NDUFS4: variants seen among roughly 807,000 people sequenced by gnomAD.
NDUFS4 encodes NADH dehydrogenase [ubiquinone] iron-sulfur protein 4, mitochondrial.
Under a neutral mutation model 24.3 loss-of-function variants are expected in NDUFS4, and 28 were observed. That is an observed-to-expected ratio of 1.15 (90% CI 0.85 to 1.58). The LOEUF (loss-of-function observed/expected upper bound fraction) is 1.58, where lower values mean the gene tolerates loss of function less well. NDUFS4 is among the 40% of genes most tolerant of loss of function. NDUFS4 has a pLI of 0.00. For missense variants in NDUFS4, 223 were observed against 207.9 expected (o/e 1.07, Z -0.45); for synonymous variants, 93 against 69.7 (o/e 1.34, Z -1.67).
chr5:53,681,133 T>C (rs1214482485), intron 4 of NDUFS4, among the ~76,000 whole-genome samples: 1 of 152,138 alleles, frequency 6.6e-6, no homozygotes, highest in Non-Finnish European at 1.5e-5. Flanking sequence ...GACCAAATAA[T>C]ACTTAACATT....
intron 2 of NDUFS4, among the ~76,000 whole-genome samples, chr5:53,628,626 A>G (rs1432489799): frequency 6.6e-6 from 1 of 152,120 alleles, no homozygotes; most frequent in Non-Finnish European, 1.5e-5. Context: ...GTGTTCAGGA[A>G]TTTATTCATT....
In NDUFS4 at chr5:53,643,937, G is replaced by A. The variant is rs73754278; in HGVS notation, c.178-2296G>A. ...GGTAAGATACCAATAAATAATTGCT[G>A]TAATTCGAGAAGACATGGAAGATTG... On this transcript the variant is annotated intron_variant, in intron 2 of 4. Coordinates refer to ENST00000296684, the MANE Select transcript of NDUFS4 (RefSeq NM_002495.4). 7.5e-3 allele frequency among the ~76,000 whole-genome samples: 1,134 copies of A among 152,198 alleles called. 15 individuals are homozygous for A. Among genetic ancestry groups the A allele is most frequent in the African/African-American group, 0.026 (1,081 of 41,530 alleles).
At chr5:53,625,968 T>C (rs1210056820) in intron 2 of NDUFS4, among the ~76,000 whole-genome samples, 5 of 152,192 alleles carry the variant, frequency 3.3e-5, no homozygotes, top group African/African-American at 1.2e-4. Flanking sequence ...ACATGTGCCA[T>C]GCTGGTTTGC....
intron 2 of NDUFS4, among the ~76,000 whole-genome samples, chr5:53,636,745 G>A (rs887507807): frequency 6.6e-6 from 1 of 152,126 alleles, no homozygotes; most frequent in African/African-American, 2.4e-5. Flanking sequence ...GGTCCTTCTC[G>A]AATAGGTTAG....
chr5:53,566,247 A>G (rs1042951613), intron 1 of NDUFS4, among the ~76,000 whole-genome samples: 6 of 152,252 alleles, frequency 3.9e-5, no homozygotes, highest in African/African-American at 1.4e-4. Flanking sequence ...GCTAGAAGAG[A>G]TCTGTTTGGG....
At position 53,647,154 on chromosome 5, in the gene NDUFS4, T is replaced by G. The variant is rs532866237; in HGVS notation, c.350+749T>G. ...AGAAATTAGCTAACTTGAGGGAAACTTATAAGTTCCTGAGATATTGTGATT... is the reference window on the plus strand; with the variant it reads ...AGAAATTAGCTAACTTGAGGGAAACGTATAAGTTCCTGAGATATTGTGATT... On this transcript the variant is annotated intron_variant, in intron 3 of 4. Coordinates refer to ENST00000296684, the MANE Select transcript of NDUFS4 (RefSeq NM_002495.4). 3.0e-4 allele frequency among the ~76,000 whole-genome samples: 45 copies of G among 151,546 alleles called. 1 individual carries two copies. The highest frequency in any genetic ancestry group is 2.7e-3 in the South Asian group (13 of 4,814).
intron 4 of NDUFS4, among the ~76,000 whole-genome samples, chr5:53,662,930 A>G (rs56848052): frequency 4.6e-5 from 7 of 151,700 alleles, no homozygotes; most frequent in Non-Finnish European, 1.0e-4. Context: ...TCAATTTTAG[A>G]TCTTTCCTGC....
At chr5:53,599,397 C>A (rs1399812396) in intron 1 of NDUFS4, among the ~76,000 whole-genome samples, 1 of 152,090 alleles carries the variant, frequency 6.6e-6, no homozygotes, top group Non-Finnish European at 1.5e-5. Context: ...GTACCAATTT[C>A]TATACGTTTC....
intron 2 of NDUFS4, among the ~76,000 whole-genome samples, chr5:53,618,141 G>A (rs574105811): frequency 1.1e-4 from 17 of 152,022 alleles, no homozygotes; most frequent in African/African-American, 3.9e-4. Flanking sequence ...GGGTAGTGGC[G>A]CGTGCCTGTG....
At chr5:53,678,483 ATCT>A (rs993781609) in intron 4 of NDUFS4, among the ~76,000 whole-genome samples, 4 of 152,094 alleles carry the variant, frequency 2.6e-5, no homozygotes, top group African/African-American at 4.8e-5. Context: ...CATTGCTTTG[ATCT>A]TCTTCTGTCG....
intron 3 of NDUFS4, among the ~76,000 whole-genome samples, chr5:53,652,150 T>A (rs1752039033): frequency 6.6e-6 from 1 of 152,134 alleles, no homozygotes; most frequent in Non-Finnish European, 1.5e-5. Flanking sequence ...TTAACAGACA[T>A]CTAACCCTGC....
At chr5:53,618,986 T>G (rs1750941472) in intron 2 of NDUFS4, among the ~76,000 whole-genome samples, 1 of 151,728 alleles carries the variant, frequency 6.6e-6, no homozygotes, top group South Asian at 2.1e-4. Flanking sequence ...TGGGGTCACG[T>G]GTCTGTAGTC....
At position 53,619,547 on chromosome 5, in the gene NDUFS4, A is replaced by G. The variant is rs533221087; in HGVS notation, c.177+16017A>G. 9.9e-5 allele frequency among the ~76,000 whole-genome samples: 15 copies of G among 151,644 alleles called. No individual in the cohort carries two copies. In the East Asian group the frequency reaches 2.9e-3, roughly 29 times the overall value. On this transcript the variant is annotated intron_variant, in intron 2 of 4. Transcript: ENST00000296684. ...ATAAATATATCAAATTTTACTACCA[A>G]TAAAAAAGATACATATTTTTTAAAA...
chr5:53,644,328 T>A (rs1218974974), intron 2 of NDUFS4, among the ~76,000 whole-genome samples: 1 of 152,132 alleles, frequency 6.6e-6, no homozygotes, highest in Non-Finnish European at 1.5e-5. Context: ...GCTTTGGAAT[T>A]TGGAAAAGAT....
At chr5:53,574,450 C>T (rs1749321031) in intron 1 of NDUFS4, among the ~76,000 whole-genome samples, 2 of 152,142 alleles carry the variant, frequency 1.3e-5, no homozygotes, top group Admixed American at 6.5e-5. Flanking sequence ...CGTATACTGG[C>T]ATATTTGGTT....
intron 1 of NDUFS4, among the ~76,000 whole-genome samples, chr5:53,570,878 T>C (rs937685010): frequency 2.6e-5 from 4 of 151,836 alleles, no homozygotes; most frequent in Non-Finnish European, 5.9e-5. Context: ...GAGACGGAGT[T>C]TCACCATGTT....
intron 2 of NDUFS4, among the ~76,000 whole-genome samples, chr5:53,640,092 T>C (rs1406952660): frequency 1.3e-5 from 2 of 151,438 alleles, no homozygotes; most frequent in African/African-American, 4.8e-5. Flanking sequence ...TTTTTTTTTT[T>C]CCTCTTCTCA....
At chr5:53,656,801 T>C (rs1184262403) in intron 3 of NDUFS4, among the ~76,000 whole-genome samples, 1 of 151,814 alleles carries the variant, frequency 6.6e-6, no homozygotes, top group Non-Finnish European at 1.5e-5. Flanking sequence ...TGGTGAAGGG[T>C]GGATTGGAGT....
At chr5:53,629,180 T>A (rs1398613851) in intron 2 of NDUFS4, among the ~76,000 whole-genome samples, 3 of 152,188 alleles carry the variant, frequency 2.0e-5, no homozygotes, top group Non-Finnish European at 4.4e-5. Flanking sequence ...TCCATGTAGT[T>A]TTGTAGTTTT....
Sources: gnomAD v4.1 joint callset for allele counts (sites outside exome capture counted in the v4.1 genomes callset) on GRCh38, gnomAD v4.1.1 for gene constraint, MANE v1.5 for transcripts, NCBI Gene and HGNC (gene_info 2026-07-23, HGNC 2026-07-21) for gene names.